RGS6: variants seen among roughly 807,000 people sequenced by gnomAD.
RGS6 encodes regulator of G protein signaling 6.
Under a neutral mutation model 78.5 loss-of-function variants are expected in RGS6, and 30 were observed. That is an observed-to-expected ratio of 0.38 (90% CI 0.29 to 0.52). The LOEUF is 0.52. Ranked by LOEUF, RGS6 falls within the 20% of genes least tolerant of loss-of-function variation. The pLI, the probability that RGS6 is intolerant of heterozygous loss-of-function variation, is 0.85. For synonymous variants in RGS6, 206 were observed against 206.0 expected (o/e 1.00, Z 0.00); for missense variants, 495 against 609.7 (o/e 0.81, Z 1.98).
At chr14:71,973,867 T>C (rs997094037) in intron 2 of RGS6, among the ~76,000 whole-genome samples, 1 of 152,214 alleles carries the variant, frequency 6.6e-6, no homozygotes, top group Admixed American at 6.5e-5. Context: ...TTATCTTGGT[T>C]GGCAGGAGAC....
At chr14:72,506,212 C>T (rs912938076) in intron 13 of RGS6, among the ~76,000 whole-genome samples, 2 of 151,992 alleles carry the variant, frequency 1.3e-5, no homozygotes, top group East Asian at 3.9e-4. Context: ...GAAATATGGT[C>T]CCTGACCTCA....
intron 12 of RGS6, among the ~76,000 whole-genome samples, chr14:72,481,483 A>C (rs1424176349): frequency 6.6e-6 from 1 of 152,176 alleles, no homozygotes; most frequent in African/African-American, 2.4e-5. Context: ...CTTGCACTGC[A>C]TGTCTCCTTC....
chr14:72,467,059 C>A (rs943862112), intron 7 of RGS6, among the ~76,000 whole-genome samples: 1 of 152,104 alleles, frequency 6.6e-6, no homozygotes, highest in African/African-American at 2.4e-5. Flanking sequence ...GGCCCCACCA[C>A]CAAACTTGGG....
intron 3 of RGS6, among the ~76,000 whole-genome samples, chr14:72,425,946 G>T (rs533472638): frequency 6.6e-6 from 1 of 152,286 alleles, no homozygotes; most frequent in African/African-American, 2.4e-5. Context: ...GTAGGGAAAA[G>T]AGAAAGAGAA....
intron 5 of RGS6, among the ~76,000 whole-genome samples, chr14:72,458,819 T>G (rs909941167): frequency 6.6e-6 from 1 of 152,138 alleles, no homozygotes; most frequent in Admixed American, 6.5e-5. Context: ...CAGACCTCTT[T>G]TATAAAGGCA....
intron 4 of RGS6, among the ~76,000 whole-genome samples, chr14:72,457,559 A>G (rs1343745464): frequency 6.6e-6 from 1 of 152,136 alleles, no homozygotes; most frequent in Non-Finnish European, 1.5e-5. Flanking sequence ...TCTGGATTAC[A>G]GGCGTGAGCC....
intron 15 of RGS6, among the ~76,000 whole-genome samples, chr14:72,531,063 C>A (rs923333597): frequency 2.0e-5 from 3 of 152,170 alleles, no homozygotes; most frequent in Non-Finnish European, 4.4e-5. Context: ...TTCAGAAAAA[C>A]ACTTAGTGAA....
At chr14:72,421,032 A>G (rs757739181) in intron 3 of RGS6, 3 of 152,096 alleles carry the variant, frequency 2.0e-5, no homozygotes, top group African/African-American at 4.8e-5. Context: ...TTCATGCCCA[A>G]ATCACTTCTG....
Position 72,563,131 on chromosome 14 carries a change from G to A in RGS6, c.*664G>A. The A allele has an allele frequency of 7.1e-6, 2 of 280,226 alleles. No individual in the cohort carries two copies. Among genetic ancestry groups the A allele is most frequent in the Admixed American group, 4.3e-5 (1 of 23,488 alleles). 17.4% of individuals were successfully genotyped at this position (280,226 alleles called of 1,614,324 possible). On this transcript the variant is annotated 3_prime_UTR_variant, in exon 18 of 18. Transcript: ENST00000553525. ...TCAGCGTTCGGAGAGGTCCCCGCCA[G>A]CCCGGTGGCTGCCCTCAGGTCCCGT...
rs1382389569 is a variant in RGS6 at position 71,977,544 on chromosome 14, C to G, written c.84+12669C>G. Among the ~76,000 whole-genome samples, 341 of 149,096 alleles carry G rather than the reference C, an allele frequency of 2.3e-3. 1 individual carries two copies. Among genetic ancestry groups the G allele is most frequent in the African/African-American group, 7.7e-3 (311 of 40,372 alleles). ...AATCCTTTCTCCATTGCTTGTTTTT[C>G]TCAGGTTTGTCAAAGATCAGATAGT... is the stretch of plus-strand genomic sequence containing the variant. On this transcript the variant is annotated intron_variant, in intron 2 of 17. Coordinates refer to ENST00000553525, the MANE Select transcript of RGS6 (RefSeq NM_001204424.2).
At chr14:72,351,997 T>C (rs1216414002) in intron 2 of RGS6, 98 bp from the exon 3 acceptor site, 1 of 823,416 alleles carries the variant, frequency 1.2e-6, no homozygotes, top group African/African-American at 1.7e-5. Flanking sequence ...ATATCTATTG[T>C]TGACATCCAT....
intron 2 of RGS6, among the ~76,000 whole-genome samples, chr14:72,025,245 G>A (rs561817281): frequency 3.8e-4 from 58 of 151,850 alleles, no homozygotes; most frequent in Admixed American, 3.5e-3. Context: ...TGAGCCCTCT[G>A]CTCCAACAGG....
In RGS6 at chr14:72,495,166, C is replaced by T. The variant is rs777304785; in HGVS notation, c.869C>T (p.Thr290Met). The change falls in exon 13 of 18, where the codon ACG (threonine) becomes ATG (methionine). Residue 290 changes from threonine to methionine, a missense_variant. Physicochemically the swap from Thr to Met is moderately conservative, Grantham distance 81. Transcript: ENST00000553525. ...SKVAESLIAY[T>M]EQYVEYDPLI... ...CCCTCCTGCAGTTTAATTGCCTACA[C>T]GGAACAATATGTGGAATATGACCCT... 7.1e-5 allele frequency: 114 copies of T among 1,610,980 alleles called. No individual in the cohort carries two copies. Among genetic ancestry groups the T allele is most frequent in the Middle Eastern group, 1.6e-4 (1 of 6,080 alleles).
At chr14:72,247,075 A>G (rs1002880192) in intron 2 of RGS6, among the ~76,000 whole-genome samples, 2 of 152,128 alleles carry the variant, frequency 1.3e-5, no homozygotes, top group African/African-American at 2.4e-5. Flanking sequence ...AATGTTTTCA[A>G]AAGTTATTCT....
the RGS6 span, chr14:72,594,366 G>A: frequency 6.6e-6 from 1 of 152,164 alleles, no homozygotes; most frequent in Non-Finnish European, 1.5e-5. Flanking sequence ...GTCGTAGACT[G>A]CAAAGGAAAT....
At chr14:72,388,746 C>T (rs1380009656) in intron 3 of RGS6, among the ~76,000 whole-genome samples, 1 of 152,188 alleles carries the variant, frequency 6.6e-6, no homozygotes, top group Non-Finnish European at 1.5e-5. Flanking sequence ...TGAATCCCAG[C>T]TCTACTCACT....
chr14:72,497,090 T>C (rs1598352338), intron 13 of RGS6, among the ~76,000 whole-genome samples: 1 of 152,290 alleles, frequency 6.6e-6, no homozygotes, highest in South Asian at 2.1e-4. Context: ...AATTATTTCA[T>C]CAGTATATAT....
rs76900944 is a variant in RGS6 at position 72,116,013 on chromosome 14, C to G, written c.84+151138C>G. On this transcript the variant is annotated intron_variant, in intron 2 of 17. Transcript: ENST00000553525. ...AAGGATCTGCTTCCTTAATAGGAAT[C>G]TTTAAACTCCTGAATTTGTAATGAC... Among the ~76,000 whole-genome samples, 232 of 152,290 alleles carry G rather than the reference C, an allele frequency of 1.5e-3. 1 individual carries two copies. The highest frequency in any genetic ancestry group is 5.5e-3 in the African/African-American group (228 of 41,554).
intron 17 of RGS6, among the ~76,000 whole-genome samples, chr14:72,562,041 C>A (rs1034477333): frequency 2.6e-5 from 4 of 152,232 alleles, no homozygotes; most frequent in Non-Finnish European, 1.5e-5. Flanking sequence ...CACCCCAAGT[C>A]CACCTTTTCC....
Sources: gnomAD v4.1 joint callset for allele counts (sites outside exome capture counted in the v4.1 genomes callset) on GRCh38, gnomAD v4.1.1 for gene constraint, MANE v1.5 for transcripts, NCBI Gene and HGNC (gene_info 2026-07-23, HGNC 2026-07-21) for gene names.